The following PTPRN2 variants were observed in gnomAD, a reference collection of about 807,000 sequenced individuals.
PTPRN2 encodes the protein receptor-type tyrosine-protein phosphatase N2.
Under a neutral mutation model 118.8 loss-of-function variants are expected in PTPRN2, and 74 were observed. That is an observed-to-expected ratio of 0.62 (90% CI 0.52 to 0.76). The LOEUF (loss-of-function observed/expected upper bound fraction) is 0.76, where lower values mean the gene tolerates loss of function less well. Ranked by LOEUF, PTPRN2 falls within the 30% of genes least tolerant of loss-of-function variation. PTPRN2 has a pLI of 0.00. For missense variants in PTPRN2, 1,481 were observed against 1,394.4 expected (o/e 1.06, Z -0.99); for synonymous variants, 641 against 608.0 (o/e 1.05, Z -0.80).
Position 157,682,845 on chromosome 7 carries a change from C to A in PTPRN2, c.1881G>T (p.Leu627=). 1 of 1,613,840 alleles carries A rather than the reference C, an allele frequency of 6.2e-7. No individual in the cohort carries two copies. The highest frequency in any genetic ancestry group is 8.5e-7 in the Non-Finnish European group (1 of 1,179,944). The change falls in exon 13 of 23, where the codon CTG becomes CTT. Residue 627 remains leucine (L), a synonymous_variant. Transcript: ENST00000389418. The part of the protein sequence containing the change: ...ALTLVSLACI[L]GVLLASGLIY... ...TGAGGCCAGAGGCCAGGAGGACGCCCAGGATGCAGGCGAGGGAGACCAGGG... is the reference window on the plus strand; with the variant it reads ...TGAGGCCAGAGGCCAGGAGGACGCCAAGGATGCAGGCGAGGGAGACCAGGG...
intron 6 of PTPRN2, among the ~76,000 whole-genome samples, chr7:158,147,887 CGT>C (rs1294354019): frequency 1.2e-3 from 161 of 130,922 alleles, no homozygotes; most frequent in African/African-American, 1.7e-3. Context: ...TCTCACGCCA[CGT>C]GTCTTTCCCC....
intron 21 of PTPRN2, among the ~76,000 whole-genome samples, chr7:157,557,558 A>ACACACACG (rs1282356372): frequency 6.6e-6 from 1 of 150,720 alleles, no homozygotes; most frequent in African/African-American, 2.5e-5. Context: ...ACTCCCACAC[A>ACACACACG]CACACACACA....
intron 13 of PTPRN2, among the ~76,000 whole-genome samples, chr7:157,663,612 G>A (rs1286374137): frequency 6.6e-6 from 1 of 152,148 alleles, no homozygotes; most frequent in Non-Finnish European, 1.5e-5. Context: ...TGGGCCACCT[G>A]CCAGAGCTCC....
intron 12 of PTPRN2, among the ~76,000 whole-genome samples, chr7:157,849,259 C>A (rs1325627985): frequency 6.6e-6 from 1 of 152,222 alleles, no homozygotes; most frequent in African/African-American, 2.4e-5. Flanking sequence ...CGGTGCCTTT[C>A]TCCCCCAGGC....
chr7:157,960,723 A>G (rs1585092183), intron 11 of PTPRN2, among the ~76,000 whole-genome samples: 6 of 152,190 alleles, frequency 3.9e-5, no homozygotes, highest in Admixed American at 3.9e-4. Flanking sequence ...ACAAAAAAAC[A>G]TGGTCAGGCA....
At chr7:158,366,581 T>C (rs1478093283) in intron 2 of PTPRN2, among the ~76,000 whole-genome samples, 3 of 152,160 alleles carry the variant, frequency 2.0e-5, no homozygotes, top group Non-Finnish European at 2.9e-5. Context: ...CCACAGCGCC[T>C]TGTTTCCCCG....
intron 3 of PTPRN2, among the ~76,000 whole-genome samples, chr7:158,217,504 A>C (rs1828035443): frequency 6.6e-6 from 1 of 152,244 alleles, no homozygotes; most frequent in South Asian, 2.1e-4. Flanking sequence ...ATCAGCACTC[A>C]CAGATGAGAA....
chr7:158,018,015 G>A (rs866722435), intron 11 of PTPRN2, among the ~76,000 whole-genome samples: 9 of 152,106 alleles, frequency 5.9e-5, no homozygotes, highest in Admixed American at 1.3e-4. Context: ...GAACACTCTC[G>A]GATTCCATGT....
At chr7:158,336,999 A>C (rs1805706514) in intron 2 of PTPRN2, among the ~76,000 whole-genome samples, 1 of 62,054 alleles carries the variant, frequency 1.6e-5, no homozygotes. Flanking sequence ...CGTCACTCAC[A>C]CCCACACTCT....
chr7:157,643,894 C>T (rs1299210760), intron 14 of PTPRN2, among the ~76,000 whole-genome samples: 1 of 152,218 alleles, frequency 6.6e-6, no homozygotes, highest in Non-Finnish European at 1.5e-5. Flanking sequence ...AGCCCAGGGC[C>T]CAGACACCGG....
chr7:158,200,050 A>G, intron 4 of PTPRN2, among the ~76,000 whole-genome samples: 1 of 151,612 alleles, frequency 6.6e-6, no homozygotes, highest in South Asian at 2.1e-4. Context: ...TCCACGTATG[A>G]GAAGGCAAAC....
rs1037030092 is a variant in PTPRN2, at chr7:157,977,323, C to G, written c.1724-78586G>C. Among the ~76,000 whole-genome samples the G allele has an allele frequency of 2.0e-5, 3 of 151,874 alleles. No homozygotes were observed. Among genetic ancestry groups the G allele is most frequent in the African/African-American group, 7.2e-5 (3 of 41,398 alleles). ...TTCAATGAACAAGGTGATTTCTGAT[C>G]AGGGCTCTGAGCTCTGCGTCAAGTG... On this transcript the variant is annotated intron_variant, in intron 11 of 22. Transcript: ENST00000389418. This position sits in a 1 kb window ranked among gnomAD's most constrained non-coding sequence, Gnocchi z 4.6.
At position 157,895,532 on chromosome 7, in the gene PTPRN2, T is replaced by C. The variant is rs997855877; in HGVS notation, c.1788+3141A>G. Among the ~76,000 whole-genome samples, 5 of 152,134 alleles carry C rather than the reference T, an allele frequency of 3.3e-5. No homozygotes were observed. The East Asian group carries it at 7.7e-4, about 23-fold the overall frequency. On this transcript the variant is annotated intron_variant, in intron 12 of 22. Transcript: ENST00000389418. The stretch of plus-strand genomic sequence containing the variant: ...CAAAGTAGAAGGCAAAATAACAGAT[T>C]TGATAAATTACTAAATAAAAATTTT...
chr7:158,494,392 C>T (rs963515418), intron 1 of PTPRN2, among the ~76,000 whole-genome samples: 2 of 152,264 alleles, frequency 1.3e-5, no homozygotes, highest in African/African-American at 4.8e-5. Context: ...TCATCAGCAG[C>T]AGGATGCACA....
intron 14 of PTPRN2, among the ~76,000 whole-genome samples, chr7:157,624,992 C>G (rs1281179805): frequency 6.6e-6 from 1 of 152,202 alleles, no homozygotes; most frequent in African/African-American, 2.4e-5. Context: ...CTCAACATCA[C>G]TAATGATCAG....
chr7:157,793,722 G>C (rs1353158248), intron 12 of PTPRN2, among the ~76,000 whole-genome samples: 2 of 152,188 alleles, frequency 1.3e-5, no homozygotes, highest in African/African-American at 4.8e-5. Flanking sequence ...GTCCCCCAGG[G>C]CCACGTATAG....
intron 9 of PTPRN2, among the ~76,000 whole-genome samples, chr7:158,121,319 C>T (rs112275426): frequency 0.012 from 1,766 of 152,324 alleles, 36 homozygotes; most frequent in African/African-American, 0.04. Flanking sequence ...TGCTGCTCTT[C>T]AGGCTTTCCC....
At chr7:157,636,239 A>G (rs539233094) in intron 14 of PTPRN2, among the ~76,000 whole-genome samples, 1 of 152,342 alleles carries the variant, frequency 6.6e-6, no homozygotes, top group African/African-American at 2.4e-5. Flanking sequence ...GTCAGCTTTG[A>G]TACATCTCAA....
At chr7:158,514,531 G>A (rs142462196) in intron 1 of PTPRN2, among the ~76,000 whole-genome samples, 1,604 of 152,222 alleles carry the variant, frequency 0.011, 11 homozygotes, top group Non-Finnish European at 0.018. Context: ...TGTGAGACAC[G>A]ACACATCCCT....
Sources: gnomAD v4.1 joint callset for allele counts (sites outside exome capture counted in the v4.1 genomes callset) on GRCh38, gnomAD v4.1.1 for gene constraint, Gnocchi (gnomAD v3.1) non-coding constraint, MANE v1.5 for transcripts, NCBI Gene and HGNC (gene_info 2026-07-23, HGNC 2026-07-21) for gene names.